The following UGT2A1 variants were observed in gnomAD, a reference collection of about 807,000 sequenced individuals.
UGT2A1 encodes the protein UDP-glucuronosyltransferase 2A1.
A neutral mutation model predicts 45.4 loss-of-function variants in UGT2A1; 61 were observed. The ratio of observed to expected loss-of-function variants is 1.34; its 90% CI spans 1.09 to 1.66. UGT2A1 has a LOEUF of 1.66. UGT2A1 is among the 40% of genes most tolerant of loss of function. The pLI is 0.00. For missense variants in UGT2A1, 649 were observed against 574.3 expected, an observed-to-expected ratio of 1.13 and a Z score of -1.33; for synonymous variants, 229 against 196.2, an observed-to-expected ratio of 1.17 and a Z score of -1.40.
chr4:69,642,944 G>GT lies in UGT2A1; in HGVS notation c.715+3985dup, dbSNP rs748870420. Among the ~76,000 whole-genome samples the GT allele has an allele frequency of 6.4e-3, 957 of 149,828 alleles. 4 individuals carry two copies. The highest frequency in any genetic ancestry group is 0.012 in the East Asian group (60 of 5,126). On this transcript the variant is annotated intron_variant, in intron 2 of 6. Coordinates refer to ENST00000286604, the MANE Select transcript of UGT2A1 (RefSeq NM_001252275.3). ...CCCCTTAAATGTGCCCAGTTTTGGT[G>GT]TTTTTTTTTAAATAAAAGTAAAAAT...
intron 2 of UGT2A1, among the ~76,000 whole-genome samples, chr4:69,642,468 A>C (rs1223030060): frequency 6.6e-6 from 1 of 151,792 alleles, no homozygotes; most frequent in Non-Finnish European, 1.5e-5. Flanking sequence ...AGGAAGACCT[A>C]AGTAGTAATG....
At chr4:69,608,899 T>C (rs1213195608) in intron 3 of UGT2A1, among the ~76,000 whole-genome samples, 11 of 152,150 alleles carry the variant, frequency 7.2e-5, no homozygotes, top group Admixed American at 7.2e-4. Context: ...CAAATTTATA[T>C]GTTTAAAGTA....
chr4:69,595,311 A>T (rs1434953269), intron 4 of UGT2A1, 62 bp from the exon 5 acceptor site: 4 of 1,572,010 alleles, frequency 2.5e-6, no homozygotes, highest in Non-Finnish European at 3.5e-6. Flanking sequence ...TTAAGTTGGG[A>T]GAATTATTTA....
chr4:69,652,643 A>G (rs184174930), intron 1 of UGT2A1, among the ~76,000 whole-genome samples: 1 of 152,068 alleles, frequency 6.6e-6, no homozygotes, highest in Non-Finnish European at 1.5e-5. Context: ...AAAACATTTG[A>G]CTTATATTTA....
intron 2 of UGT2A1, among the ~76,000 whole-genome samples, chr4:69,643,179 A>G (rs1469505510): frequency 6.6e-6 from 1 of 151,582 alleles, no homozygotes; most frequent in Non-Finnish European, 1.5e-5. Context: ...TTATCTGGTG[A>G]TACAATGGCC....
intron 3 of UGT2A1, among the ~76,000 whole-genome samples, chr4:69,607,157 G>A (rs1221458494): frequency 6.2e-5 from 9 of 145,808 alleles, no homozygotes; most frequent in Non-Finnish European, 1.4e-4. Context: ...CACACTACCT[G>A]ACTTCAAACT....
chr4:69,617,668 G>A (rs1012515052), intron 3 of UGT2A1, among the ~76,000 whole-genome samples: 1 of 151,216 alleles, frequency 6.6e-6, no homozygotes, highest in Non-Finnish European at 1.5e-5. Flanking sequence ...CAACATACAG[G>A]GTCCATTAAG....
At chr4:69,626,793 A>G (rs1721085890) in intron 3 of UGT2A1, among the ~76,000 whole-genome samples, 1 of 151,788 alleles carries the variant, frequency 6.6e-6, no homozygotes. Context: ...AATGAATTTT[A>G]TTTTATGTGT....
At chr4:69,637,519 G>T (rs574525417) in intron 2 of UGT2A1, among the ~76,000 whole-genome samples, 1 of 152,162 alleles carries the variant, frequency 6.6e-6, no homozygotes, top group African/African-American at 2.4e-5. Flanking sequence ...ACTCCTAAAA[G>T]GCTTTTCCTC....
Position 69,588,717 on chromosome 4 carries a change from G to T in UGT2A1, c.*655C>A, listed in dbSNP as rs547903289. 1.3e-5 allele frequency: 2 copies of T among 152,040 alleles called. No individual in the cohort carries two copies. The highest frequency in any genetic ancestry group is 2.1e-4 in the South Asian group (1 of 4,818). 9.4% of individuals were successfully genotyped at this position (152,040 alleles called of 1,614,324 possible). ...ACAGTACCCAAATCTTCCACTACAG[G>T]TTATATAAGAATATATGTTGAAGAA... On this transcript the variant is annotated 3_prime_UTR_variant, in exon 7 of 7. Transcript: ENST00000286604.
intron 3 of UGT2A1, among the ~76,000 whole-genome samples, chr4:69,610,855 T>C (rs1328850797): frequency 1.3e-5 from 2 of 152,204 alleles, no homozygotes; most frequent in Non-Finnish European, 2.9e-5. Context: ...GTTCTTGTAT[T>C]AGTTTGCTAG....
intron 2 of UGT2A1, among the ~76,000 whole-genome samples, chr4:69,644,644 T>A (rs1722176587): frequency 6.6e-6 from 1 of 151,756 alleles, no homozygotes; most frequent in Admixed American, 6.6e-5. Flanking sequence ...GGTTTATCTA[T>A]AATCATTGTA....
rs1237805779 is a variant in UGT2A1 at position 69,606,789 on chromosome 4, G to C, written c.848-7395C>G. On this transcript the variant is annotated intron_variant, in intron 3 of 6. Transcript: ENST00000286604. ...CTTATACACCAATAACAGACAAACA[G>C]AGAGCCAAATCACGAGTGAGCTCCC... Among the ~76,000 whole-genome samples the C allele has an allele frequency of 6.6e-5, 9 of 136,460 alleles. 1 individual carries two copies. Among genetic ancestry groups the C allele is most frequent in the Non-Finnish European group, 1.2e-4 (8 of 64,270 alleles). 89.5% of individuals were successfully genotyped at this position (136,460 alleles called of 152,430 possible).
At chr4:69,625,334 A>C (rs1381794513) in intron 3 of UGT2A1, among the ~76,000 whole-genome samples, 1 of 151,052 alleles carries the variant, frequency 6.6e-6, no homozygotes, top group Non-Finnish European at 1.5e-5. Flanking sequence ...AATTCACCAA[A>C]TTTGAAAAAT....
At chr4:69,612,714 A>G (rs932392779) in intron 3 of UGT2A1, among the ~76,000 whole-genome samples, 1 of 152,036 alleles carries the variant, frequency 6.6e-6, no homozygotes, top group African/African-American at 2.4e-5. Context: ...AATTTACCCT[A>G]TAAAAACATT....
chr4:69,641,226 C>G (rs1722033448), intron 2 of UGT2A1, among the ~76,000 whole-genome samples: 1 of 151,714 alleles, frequency 6.6e-6, no homozygotes, highest in African/African-American at 2.4e-5. Context: ...GTAATATCTG[C>G]AGGGCAATAA....
At chr4:69,631,739 A>G (rs568332869) in intron 3 of UGT2A1, among the ~76,000 whole-genome samples, 1 of 152,284 alleles carries the variant, frequency 6.6e-6, no homozygotes, top group South Asian at 2.1e-4. Context: ...CCACTACATC[A>G]GGGTATTTTG....
rs965755081 is a variant in UGT2A1, at chr4:69,604,617, C to T, written c.848-5223G>A. ...GGCTAAATGCTCCAATTAAAAGACA[C>T]AGACTGGCAAATTGGATAAAGAGCC... is the stretch of plus-strand genomic sequence containing the variant. On this transcript the variant is annotated intron_variant, in intron 3 of 6. Coordinates refer to ENST00000286604, the MANE Select transcript of UGT2A1 (RefSeq NM_001252275.3). Among the ~76,000 whole-genome samples the T allele has an allele frequency of 2.9e-5, 4 of 136,804 alleles. 1 individual carries two copies. The highest frequency in any genetic ancestry group is 2.4e-4 in the South Asian group (1 of 4,182). 89.7% of individuals were successfully genotyped at this position (136,804 alleles called of 152,430 possible).
At chr4:69,597,122 G>A (rs752535222) in intron 4 of UGT2A1, among the ~76,000 whole-genome samples, 6 of 152,016 alleles carry the variant, frequency 3.9e-5, no homozygotes, top group Non-Finnish European at 5.9e-5. Context: ...TAAATTTATC[G>A]GTTCCTGTTA....
Sources: allele counts gnomAD v4.1 joint callset (sites outside exome capture counted in the v4.1 genomes callset), GRCh38; gene constraint gnomAD v4.1.1; transcripts MANE v1.5; gene names NCBI Gene and HGNC (gene_info 2026-07-23, HGNC 2026-07-21).